NOTCH3: variants seen among roughly 807,000 people sequenced by gnomAD.
The protein encoded by NOTCH3 is notch receptor 3.
In NOTCH3, 86 loss-of-function variants were observed where a neutral mutation model predicts 213.3. The ratio of observed to expected loss-of-function variants is 0.40; its 90% CI spans 0.34 to 0.48. The LOEUF is 0.48. NOTCH3 is among the 20% of genes least tolerant of loss of function. The pLI, the probability that NOTCH3 is intolerant of heterozygous loss-of-function variation, is 0.57. For synonymous variants in NOTCH3, 1,354 were observed against 1,355.9 expected (o/e 1.00, Z 0.03); for missense variants, 2,783 against 3,272.6 (o/e 0.85, Z 3.65).
chr19:15,170,216 G>T, intron 27 of NOTCH3, 46 bp from the exon 28 acceptor site: 1 of 1,522,788 alleles, frequency 6.6e-7, no homozygotes, highest in Non-Finnish European at 9.1e-7. Flanking sequence ...CACTAGAGGT[G>T]TCCAGCTGGG....
At chr19:15,178,533 T>A (rs1599379479) in intron 23 of NOTCH3, 2 of 485,298 alleles carry the variant, frequency 4.1e-6, no homozygotes, top group South Asian at 4.2e-5. Flanking sequence ...TACAGGCAGC[T>A]GCCACTACGC....
chr19:15,199,073 C>T lies in NOTCH3; in HGVS notation c.119-1495G>A, dbSNP rs546616984. On this transcript the variant is annotated intron_variant, in intron 1 of 32. Transcript: ENST00000263388. ...ACCCACACCAGGACCTGTGGGTGTT[C>T]GTGAACTCACACTGTGGGTCCCATA... Among the ~76,000 whole-genome samples, 12 of 152,306 alleles carry T rather than the reference C, an allele frequency of 7.9e-5. 1 individual carries two copies. The East Asian group carries it at 2.3e-3, about 29-fold the overall frequency.
intron 25 of NOTCH3, among the ~76,000 whole-genome samples, chr19:15,173,517 T>G (rs956675496): frequency 6.7e-6 from 1 of 150,206 alleles, no homozygotes. Context: ...ATCCTCCAAG[T>G]AGCTGGGACT....
chr19:15,166,964 TAAG>T (rs2046691240), intron 29 of NOTCH3, among the ~76,000 whole-genome samples: 1 of 152,208 alleles, frequency 6.6e-6, no homozygotes, highest in Non-Finnish European at 1.5e-5. Flanking sequence ...TCTGGAGCAT[TAAG>T]AAGGTTTTGT....
At chr19:15,171,587 T>G (rs982734586) in intron 25 of NOTCH3, among the ~76,000 whole-genome samples, 4 of 152,108 alleles carry the variant, frequency 2.6e-5, no homozygotes, top group African/African-American at 4.8e-5. Context: ...AGTCTTGAAC[T>G]CCGGGGCTCA....
chr19:15,193,957 G>A (rs976416996), intron 2 of NOTCH3, among the ~76,000 whole-genome samples: 1 of 149,778 alleles, frequency 6.7e-6, no homozygotes, highest in Non-Finnish European at 1.5e-5. Flanking sequence ...TGGTGCACTC[G>A]TGTAGTCCCC....
At chr19:15,179,757 C>T (rs1014947531) in intron 20 of NOTCH3, 1 of 589,962 alleles carries the variant, frequency 1.7e-6, no homozygotes, top group Non-Finnish European at 3.0e-6. Flanking sequence ...TGGTGGGTGC[C>T]TGTACTCCCA....
Position 15,170,572 on chromosome 19 carries a change from G to A in NOTCH3, c.4892-19C>T, listed in dbSNP as rs1166343322. On this transcript the variant is annotated intron_variant, in intron 26 of 32. Transcript: ENST00000263388. ...GGCTCCCCTAAGAGCAGGAAGCAGA[G>A]GGCGGGGCTTCAGCCGAGGGCGGGG... 2 of 1,606,082 alleles carry A rather than the reference G, an allele frequency of 1.2e-6. No homozygotes were observed. Among genetic ancestry groups the A allele is most frequent in the South Asian group, 1.1e-5 (1 of 90,822 alleles).
chr19:15,179,015 C>T lies in NOTCH3; in HGVS notation c.3718+10G>A. 1.2e-6 allele frequency: 2 copies of T among 1,614,224 alleles called. No homozygotes were observed. Among genetic ancestry groups the T allele is most frequent in the Non-Finnish European group, 8.5e-7 (1 of 1,180,040 alleles). ...CGGGGTCCCAGGCCAGCCCCTTCGC[C>T]AACGCTTACCTGAGAAGCCAGCATG... On this transcript the variant is annotated intron_variant, in intron 22 of 32. Coordinates refer to ENST00000263388, the MANE Select transcript of NOTCH3 (RefSeq NM_000435.3).
At chr19:15,194,642 AG>A (rs2046955250) in intron 2 of NOTCH3, among the ~76,000 whole-genome samples, 1 of 152,130 alleles carries the variant, frequency 6.6e-6, no homozygotes, top group Non-Finnish European at 1.5e-5. Flanking sequence ...TTCCAGGCAG[AG>A]GGAACAGCAA....
chr19:15,183,607 C>A (rs2046857140), intron 16 of NOTCH3, among the ~76,000 whole-genome samples: 1 of 152,166 alleles, frequency 6.6e-6, no homozygotes, highest in Non-Finnish European at 1.5e-5. Flanking sequence ...CCATGTTGGC[C>A]AGGCTGGTCT....
chr19:15,166,223 C>G, intron 29 of NOTCH3, 132 bp from the exon 30 acceptor site: 1 of 747,810 alleles, frequency 1.3e-6, no homozygotes, highest in South Asian at 1.6e-5. Flanking sequence ...CCTGTCTGCA[C>G]ACCCACACCC....
At chr19:15,182,650 T>G (rs901693599) in intron 16 of NOTCH3, among the ~76,000 whole-genome samples, 1 of 152,080 alleles carries the variant, frequency 6.6e-6, no homozygotes, top group Admixed American at 6.5e-5. Context: ...TTTTTATTTT[T>G]ATTTTTTTTG....
intron 2 of NOTCH3, among the ~76,000 whole-genome samples, chr19:15,195,768 C>A (rs1183489052): frequency 2.0e-5 from 3 of 151,584 alleles, no homozygotes; most frequent in African/African-American, 7.3e-5. Flanking sequence ...GGTCCCACCG[C>A]CAGGCAGGGC....
chr19:15,166,506 AGG>A (rs111838538), intron 29 of NOTCH3, among the ~76,000 whole-genome samples: 25 of 151,212 alleles, frequency 1.7e-4, no homozygotes, highest in East Asian at 3.9e-4. Context: ...GTGTTTTAAA[AGG>A]GGGGGGGAAA....
chr19:15,179,528 C>G, intron 20 of NOTCH3, 32 bp from the exon 21 acceptor site: 1 of 1,612,232 alleles, frequency 6.2e-7, no homozygotes, highest in South Asian at 1.1e-5. Flanking sequence ...ACCCACTCAG[C>G]TTAGTGGGAC....
Position 15,181,693 on chromosome 19 carries a change from A to C in NOTCH3, c.2675T>G (p.Leu892Arg). ...GGTGCCCGGGCCGCAGGGGTTGCTC[A>C]GGCACTCATCCACATCGCGGGCGCA... ...PRCARDVDEC[L>R]SNPCGPGTCT... Residue 892 changes from leucine to arginine, a missense_variant, in exon 17 of 33, where the codon CTG becomes CGG. Leu to Arg is a moderately radical substitution (Grantham distance 102). Coordinates refer to ENST00000263388, the MANE Select transcript of NOTCH3 (RefSeq NM_000435.3). The C allele has an allele frequency of 6.4e-7, 1 of 1,563,046 alleles. No individual in the cohort carries two copies. Among genetic ancestry groups the C allele is most frequent in the East Asian group, 2.4e-5 (1 of 42,018 alleles).
chr19:15,193,071 T>C lies in NOTCH3; in HGVS notation c.198-552A>G, dbSNP rs139262436. Among the ~76,000 whole-genome samples, 48 of 152,130 alleles carry C rather than the reference T, an allele frequency of 3.2e-4. 1 individual carries two copies. In the East Asian group the frequency reaches 8.7e-3, roughly 28 times the overall value. On this transcript the variant is annotated intron_variant, in intron 2 of 32. Coordinates refer to ENST00000263388, the MANE Select transcript of NOTCH3 (RefSeq NM_000435.3). The stretch of plus-strand genomic sequence containing the variant: ...CAGCCAGGTCCAGGCAAGGAGAACA[T>C]ATACGAATAACAAATTAATATACAA...
chr19:15,163,149 C>T (rs965154298), intron 31 of NOTCH3, among the ~76,000 whole-genome samples: 11 of 152,316 alleles, frequency 7.2e-5, no homozygotes, highest in Non-Finnish European at 1.5e-4. Context: ...AAGTGATCCA[C>T]CAGCCTTGGC....
Sources: gnomAD v4.1 joint callset for allele counts (sites outside exome capture counted in the v4.1 genomes callset) on GRCh38, gnomAD v4.1.1 for gene constraint, MANE v1.5 for transcripts, NCBI Gene and HGNC (gene_info 2026-07-23, HGNC 2026-07-21) for gene names.